The following FAM228B variants were observed in gnomAD, a reference collection of about 807,000 sequenced individuals.
FAM228B encodes the protein family with sequence similarity 228 member B.
In FAM228B, 38 loss-of-function variants were observed where a neutral mutation model predicts 42.6. That is an observed-to-expected ratio of 0.89 (90% CI 0.69 to 1.17). The LOEUF is 1.17. Among genes scored for constraint, FAM228B ranks in the 50% most tolerant of loss-of-function variants. The pLI is 0.00. For synonymous variants in FAM228B, 109 were observed against 122.3 expected (o/e 0.89, Z 0.72); for missense variants, 344 against 367.3 (o/e 0.94, Z 0.52).
intron 5 of FAM228B, among the ~76,000 whole-genome samples, chr2:24,141,171 T>C (rs1573770427): frequency 6.6e-6 from 1 of 151,562 alleles, no homozygotes; most frequent in Admixed American, 6.6e-5. Context: ...CCATCCTGGG[T>C]TCAAGCGATT....
At chr2:24,115,405 T>G in intron 3 of FAM228B, 1 of 600,858 alleles carries the variant, frequency 1.7e-6, no homozygotes, top group Non-Finnish European at 2.9e-6. Flanking sequence ...AAACAGTTGA[T>G]CAAGTAATTC....
intron 3 of FAM228B, among the ~76,000 whole-genome samples, chr2:24,108,597 A>G (rs1360225260): frequency 6.6e-6 from 1 of 152,208 alleles, no homozygotes; most frequent in Non-Finnish European, 1.5e-5. Flanking sequence ...GCACATGCAA[A>G]GTTGGTTTAA....
chr2:24,097,694 A>T (rs536759528), intron 3 of FAM228B, among the ~76,000 whole-genome samples: 2 of 152,314 alleles, frequency 1.3e-5, no homozygotes, highest in South Asian at 4.1e-4. Flanking sequence ...GGAGACTTTA[A>T]CACCCCACTG....
chr2:24,088,773 G>A (rs1376110369), intron 2 of FAM228B, among the ~76,000 whole-genome samples: 1 of 152,222 alleles, frequency 6.6e-6, no homozygotes, highest in Admixed American at 6.5e-5. Flanking sequence ...CAGCCAGTTG[G>A]TCAGAAGTGT....
chr2:24,077,768 C>T lies in FAM228B; in HGVS notation c.-290+799C>T. On this transcript the variant is annotated intron_variant, in intron 1 of 10. Coordinates refer to the FAM228B transcript ENST00000613899. This position sits in a 1 kb window ranked among gnomAD's most constrained non-coding sequence, Gnocchi z 5.5. ...TCACCAGCATTTGCTTGTACTAAGA[C>T]AAGGGAAAGGAGATCATCAGCCTGG... The T allele has an allele frequency of 6.2e-7, 1 of 1,610,838 alleles. No homozygotes were observed. The highest frequency in any genetic ancestry group is 8.5e-7 in the Non-Finnish European group (1 of 1,178,060).
chr2:24,149,563 G>C (rs1666978205), intron 7 of FAM228B, among the ~76,000 whole-genome samples: 1 of 152,068 alleles, frequency 6.6e-6, no homozygotes, highest in Non-Finnish European at 1.5e-5. Flanking sequence ...CTCCTGAGTA[G>C]CTGTGACTAC....
intron 9 of FAM228B, chr2:24,166,069 A>ATATATATATG (rs1367498989): frequency 2.8e-5 from 4 of 145,056 alleles, no homozygotes; most frequent in Non-Finnish European, 6.0e-5. Flanking sequence ...ATATATATAT[A>ATATATATATG]TATGTATGTA....
chr2:24,081,549 G>C (rs1355949207), intron 2 of FAM228B, among the ~76,000 whole-genome samples: 2 of 152,168 alleles, frequency 1.3e-5, no homozygotes, highest in Non-Finnish European at 2.9e-5. Context: ...AAAATGTAAA[G>C]TGCTTCTCCA....
intron 3 of FAM228B, among the ~76,000 whole-genome samples, chr2:24,102,006 G>A (rs969472146): frequency 6.6e-6 from 1 of 152,110 alleles, no homozygotes; most frequent in Admixed American, 6.6e-5. Context: ...TTATAGACAA[G>A]CTCTGAGAAA....
chr2:24,145,271 G>C (rs1034541363), intron 5 of FAM228B, among the ~76,000 whole-genome samples: 18 of 152,136 alleles, frequency 1.2e-4, no homozygotes, highest in Non-Finnish European at 1.5e-5. Context: ...TGAGGCTGGG[G>C]ACTGGCCTGC....
chr2:24,084,511 A>T lies in FAM228B; in HGVS notation c.-210+3556A>T. 1 of 786,634 alleles carries T rather than the reference A, an allele frequency of 1.3e-6. No homozygotes were observed. Among genetic ancestry groups the T allele is most frequent in the Non-Finnish European group, 1.8e-6 (1 of 540,900 alleles). 48.7% of individuals were successfully genotyped at this position (786,634 alleles called of 1,614,324 possible). On this transcript the variant is annotated intron_variant, in intron 2 of 10. Transcript: ENST00000613899. The surrounding 1 kb of genome is among the most constrained non-coding windows in gnomAD (Gnocchi z 8.4). ...GCCTCGCTGCCCTGGTCTGCCGCGG[A>T]CCCGGCCTCCGCCCCGAGCTCCTGC...
At chr2:24,107,772 T>C (rs1665724774) in intron 3 of FAM228B, among the ~76,000 whole-genome samples, 1 of 152,188 alleles carries the variant, frequency 6.6e-6, no homozygotes, top group Non-Finnish European at 1.5e-5. Context: ...GGGACACAGC[T>C]AAGGCAGTGT....
At chr2:24,121,911 G>C (rs1013385445), upstream of FAM228B, among the ~76,000 whole-genome samples, 1 of 152,180 alleles carries the variant, frequency 6.6e-6, no homozygotes, top group Non-Finnish European at 1.5e-5. Flanking sequence ...GTAGAACTGT[G>C]AGCCAAATAA....
chr2:24,110,702 G>A (rs1007972064), intron 3 of FAM228B, among the ~76,000 whole-genome samples: 4 of 152,190 alleles, frequency 2.6e-5, no homozygotes, highest in Non-Finnish European at 5.9e-5. Flanking sequence ...GCAATCGTAA[G>A]TGCAGTGTAG....
chr2:24,157,818 G>A (rs748981196), intron 7 of FAM228B, among the ~76,000 whole-genome samples: 7 of 152,074 alleles, frequency 4.6e-5, no homozygotes, highest in Non-Finnish European at 8.8e-5. Flanking sequence ...CTACACATCA[G>A]TCTTTTTTCA....
At chr2:24,133,365 G>T (rs546685755) in intron 2 of FAM228B, among the ~76,000 whole-genome samples, 80 of 152,188 alleles carry the variant, frequency 5.3e-4, no homozygotes, top group Non-Finnish European at 9.8e-4. Flanking sequence ...AAACAAACTA[G>T]AGTAGACTCA....
intron 3 of FAM228B, among the ~76,000 whole-genome samples, chr2:24,137,302 G>T (rs765429750): frequency 3.3e-5 from 5 of 152,194 alleles, no homozygotes; most frequent in Non-Finnish European, 7.3e-5. Flanking sequence ...TTGGGTAGGA[G>T]TGGAATTGTT....
In FAM228B at chr2:24,164,361, A is replaced by T. The variant is rs895916898; in HGVS notation, c.932+26A>T. The T allele has an allele frequency of 4.5e-6, 7 of 1,540,010 alleles. No homozygotes were observed. The Admixed American group carries it at 1.4e-4, about 31-fold the overall frequency. On this transcript the variant is annotated intron_variant, in intron 9 of 10. Coordinates refer to ENST00000615575, the MANE Select transcript of FAM228B (RefSeq NM_001145710.2). ...GTAAGAGCTGGGGCTGTCCCATTTC[A>T]TCATACATAAGGTGGCAATCGCTGA...
upstream of FAM228B, among the ~76,000 whole-genome samples, chr2:24,120,602 C>G (rs1485606701): frequency 6.6e-6 from 1 of 152,052 alleles, no homozygotes; most frequent in African/African-American, 2.4e-5. Context: ...GTTGCCCAAG[C>G]CGGAGTGCAA....
Sources: allele counts gnomAD v4.1 joint callset (sites outside exome capture counted in the v4.1 genomes callset), GRCh38; gene constraint gnomAD v4.1.1; non-coding constraint Gnocchi (gnomAD v3.1); transcripts MANE v1.5; gene names NCBI Gene and HGNC (gene_info 2026-07-23, HGNC 2026-07-21).